SPIN1: variants seen among roughly 807,000 people sequenced by gnomAD.
The protein encoded by SPIN1 is spindlin 1, also known as spindlin-1.
Under a neutral mutation model 26.0 loss-of-function variants are expected in SPIN1, and 3 were observed. That is an observed-to-expected ratio of 0.12 (90% CI 0.05 to 0.30). The LOEUF (loss-of-function observed/expected upper bound fraction) is 0.30. Ranked by LOEUF, SPIN1 falls within the 10% of genes least tolerant of loss-of-function variation. SPIN1 has a pLI of 1.00. For missense variants in SPIN1, 126 were observed against 333.4 expected (o/e 0.38, Z 4.84); for synonymous variants, 101 against 116.5 (o/e 0.87, Z 0.86).
At chr9:88,418,643 C>G (rs1230986607) in intron 1 of SPIN1, 3 of 152,270 alleles carry the variant, frequency 2.0e-5, no homozygotes, top group South Asian at 4.1e-4. Context: ...GACTCTGTTT[C>G]CTGAGAATTA....
At chr9:88,445,168 G>C (rs915791141) in intron 2 of SPIN1, among the ~76,000 whole-genome samples, 1 of 152,142 alleles carries the variant, frequency 6.6e-6, no homozygotes, top group Admixed American at 6.6e-5. Context: ...TGACAAGGGT[G>C]CAATTCCAGT....
rs533705731 is a variant in SPIN1, at chr9:88,466,713, TAGG to T, written c.356-1656_356-1654del. Among the ~76,000 whole-genome samples the T allele has an allele frequency of 7.8e-4, 118 of 152,226 alleles. 1 individual carries two copies. Among genetic ancestry groups the T allele is most frequent in the African/African-American group, 2.7e-3 (113 of 41,550 alleles). ...ATAGAAGTTTGTTGAATGAGGAAAA[TAGG>T]AGAGCTAATTGTTTGTTGTTGTTGT... On this transcript the variant is annotated intron_variant, in intron 4 of 5. Transcript: ENST00000375859.
chr9:88,461,003 T>C (rs961120505), intron 3 of SPIN1, among the ~76,000 whole-genome samples: 2 of 152,236 alleles, frequency 1.3e-5, no homozygotes, highest in African/African-American at 4.8e-5. Context: ...GTCACATTGT[T>C]AGTCTTTTTC....
chr9:88,392,456 G>C (rs1419517885), intron 1 of SPIN1, among the ~76,000 whole-genome samples: 1 of 152,152 alleles, frequency 6.6e-6, no homozygotes, highest in East Asian at 1.9e-4. Flanking sequence ...TAGATTATCA[G>C]AATGGGAGAA....
chr9:88,428,169 A>G (rs1827798799), intron 2 of SPIN1, among the ~76,000 whole-genome samples: 1 of 152,196 alleles, frequency 6.6e-6, no homozygotes, highest in South Asian at 2.1e-4. Flanking sequence ...TTCAACATGC[A>G]TTCTTCTTTT....
At chr9:88,434,014 A>G (rs1265437458) in intron 2 of SPIN1, among the ~76,000 whole-genome samples, 7 of 152,130 alleles carry the variant, frequency 4.6e-5, no homozygotes, top group Non-Finnish European at 1.0e-4. Context: ...ACCTATCGAT[A>G]GTTAAGTGAG....
chr9:88,414,387 A>G lies in SPIN1; in HGVS notation c.-158-11995A>G, dbSNP rs141209386. Among the ~76,000 whole-genome samples, 901 of 152,348 alleles carry G rather than the reference A, an allele frequency of 5.9e-3. 8 individuals are homozygous for G. Among genetic ancestry groups the G allele is most frequent in the African/African-American group, 0.02 (846 of 41,594 alleles). ...TGTTAACATAAACTAGGTGCTCACCATGAATCACAGAGATGCCCTGTCCCT... is the reference window on the plus strand; with the variant it reads ...TGTTAACATAAACTAGGTGCTCACCGTGAATCACAGAGATGCCCTGTCCCT... On this transcript the variant is annotated intron_variant, in intron 1 of 5. Coordinates refer to ENST00000375859, the MANE Select transcript of SPIN1 (RefSeq NM_006717.3).
chr9:88,456,440 G>GA (rs1828474047), intron 3 of SPIN1, among the ~76,000 whole-genome samples: 1 of 152,114 alleles, frequency 6.6e-6, no homozygotes, highest in African/African-American at 2.4e-5. Flanking sequence ...GCCAGGATCA[G>GA]AGATAGTAAG....
chr9:88,409,712 C>T (rs1827396200), intron 1 of SPIN1, among the ~76,000 whole-genome samples: 1 of 151,924 alleles, frequency 6.6e-6, no homozygotes, highest in Non-Finnish European at 1.5e-5. Context: ...GTGGCGGGCA[C>T]CTGTAGTCCC....
In SPIN1 at chr9:88,426,398, C is replaced by T. The variant is rs992689563; in HGVS notation, c.-142C>T. The T allele has an allele frequency of 9.8e-5, 59 of 602,182 alleles. No homozygotes were observed. Among genetic ancestry groups the T allele is most frequent in the Middle Eastern group, 2.7e-4 (1 of 3,692 alleles). The allele number at this position is 602,182 out of a possible 1,614,324, so 37.3% of individuals were successfully genotyped here. A position where few individuals can be genotyped will look rare whatever the true frequency, so the allele number is the denominator to read the frequency against. On this transcript the variant is annotated 5_prime_UTR_variant, in exon 2 of 6. In the 5' UTR this introduces an upstream ATG that the reference lacks. Coordinates refer to ENST00000375859, the MANE Select transcript of SPIN1 (RefSeq NM_006717.3). ...ATTTTACAGAGTGCTTGTGATTTCACGTATTTTTGCTGAACTCGTAAAAGA... is the reference window on the plus strand; with the variant it reads ...ATTTTACAGAGTGCTTGTGATTTCATGTATTTTTGCTGAACTCGTAAAAGA...
chr9:88,461,233 C>T (rs568114732), intron 3 of SPIN1, among the ~76,000 whole-genome samples: 1 of 152,264 alleles, frequency 6.6e-6, no homozygotes, highest in South Asian at 2.1e-4. Context: ...AGGGCTTTGT[C>T]TTTCTGGAAG....
chr9:88,458,684 CA>C (rs2118174363), intron 3 of SPIN1, among the ~76,000 whole-genome samples: 1 of 152,192 alleles, frequency 6.6e-6, no homozygotes, highest in East Asian at 1.9e-4. Flanking sequence ...GAGAGAAAAA[CA>C]CATGAGGAGG....
chr9:88,405,513 C>T (rs931033237), intron 1 of SPIN1, among the ~76,000 whole-genome samples: 2 of 147,814 alleles, frequency 1.4e-5, no homozygotes, highest in Admixed American at 6.8e-5. Flanking sequence ...AGTCGTGAGC[C>T]ACAGTGCCTG....
At chr9:88,446,408 G>GTTTTTTT (rs372052401) in intron 2 of SPIN1, among the ~76,000 whole-genome samples, 1 of 129,884 alleles carries the variant, frequency 7.7e-6, no homozygotes. Context: ...TTGGTTTGCT[G>GTTTTTTT]TTTTTTTTTT....
intron 1 of SPIN1, among the ~76,000 whole-genome samples, chr9:88,421,314 T>G (rs542087640): frequency 6.6e-6 from 1 of 152,284 alleles, no homozygotes; most frequent in East Asian, 1.9e-4. Flanking sequence ...TGTCTGTGTG[T>G]TTTTTCTTTT....
chr9:88,400,095 C>A (rs1412464652), intron 1 of SPIN1, among the ~76,000 whole-genome samples: 2 of 152,142 alleles, frequency 1.3e-5, no homozygotes, highest in African/African-American at 2.4e-5. Flanking sequence ...CCTGAAAAAC[C>A]TGTAATTGGC....
Position 88,436,363 on chromosome 9 carries a change from C to T in SPIN1, c.52+9772C>T, listed in dbSNP as rs189736430. On this transcript the variant is annotated intron_variant, in intron 2 of 5. Coordinates refer to ENST00000375859, the MANE Select transcript of SPIN1 (RefSeq NM_006717.3). ...TTTTTTTAGAGCAGTTTTAGGTACTCAGGAAAATGGAGTGGAAAATAACAG... is the reference window on the plus strand; with the variant it reads ...TTTTTTTAGAGCAGTTTTAGGTACTTAGGAAAATGGAGTGGAAAATAACAG... 1.9e-3 allele frequency among the ~76,000 whole-genome samples: 282 copies of T among 152,266 alleles called. 1 individual carries two copies. The highest frequency in any genetic ancestry group is 3.5e-3 in the Non-Finnish European group (237 of 68,012).
At chr9:88,463,352 T>G (rs929110275) in intron 4 of SPIN1, among the ~76,000 whole-genome samples, 1 of 152,214 alleles carries the variant, frequency 6.6e-6, no homozygotes, top group African/African-American at 2.4e-5. Context: ...ATTAGTAGGG[T>G]GGGATACACC....
intron 2 of SPIN1, among the ~76,000 whole-genome samples, chr9:88,433,113 C>T (rs563613829): frequency 5.9e-5 from 9 of 151,274 alleles, no homozygotes; most frequent in African/African-American, 1.2e-4. Flanking sequence ...AGGGTCTCGC[C>T]GTGTCACCCA....
Sources: gnomAD v4.1 joint callset for allele counts (sites outside exome capture counted in the v4.1 genomes callset) on GRCh38, gnomAD v4.1.1 for gene constraint, MANE v1.5 for transcripts, NCBI Gene and HGNC (gene_info 2026-07-23, HGNC 2026-07-21) for gene names.